Variants in PLD3 observed in about 807,000 individuals in gnomAD.
The protein encoded by PLD3 is 5'-3' exonuclease PLD3.
In PLD3, 31 loss-of-function variants were observed where a neutral mutation model predicts 58.4. That is an observed-to-expected ratio of 0.53 (90% CI 0.40 to 0.72). The LOEUF (loss-of-function observed/expected upper bound fraction) is 0.72. PLD3 is among the 30% of genes least tolerant of loss of function. PLD3 has a pLI of 0.00. For missense variants in PLD3, 595 were observed against 659.8 expected, an observed-to-expected ratio of 0.90 and a Z score of 1.08; for synonymous variants, 264 against 273.4, an observed-to-expected ratio of 0.97 and a Z score of 0.34.
intron 10 of PLD3, 80 bp downstream of exon 10, chr19:40,374,700 G>A (rs1019030209): frequency 2.0e-6 from 3 of 1,516,904 alleles, no homozygotes; most frequent in Admixed American, 1.7e-5. Flanking sequence ...CAGAAAGCTG[G>A]TGGGGGCTCC....
At chr19:40,349,929 G>A (rs986323409) in intron 1 of PLD3, among the ~76,000 whole-genome samples, 4 of 150,052 alleles carry the variant, frequency 2.7e-5, no homozygotes, top group Non-Finnish European at 5.9e-5. Context: ...TTGCACTCCA[G>A]CCTGGGCAAC....
At chr19:40,372,575 C>T (rs754767567) in intron 9 of PLD3, among the ~76,000 whole-genome samples, 7 of 151,882 alleles carry the variant, frequency 4.6e-5, no homozygotes, top group Admixed American at 1.3e-4. Context: ...GGGAGGATCA[C>T]TTGAGGCCAG....
intron 11 of PLD3, 23 bp downstream of exon 11, chr19:40,376,797 C>A (rs2079215738): frequency 4.4e-6 from 7 of 1,593,116 alleles, no homozygotes; most frequent in East Asian, 2.2e-5. Context: ...CCAAGCCACC[C>A]CTTGGCCCCT....
At position 40,369,785 on chromosome 19, in the gene PLD3, A is replaced by G. The variant is rs138227565; in HGVS notation, c.430-123A>G. Reference sequence around the variant, plus strand: ...TTTTAATCTGTAAAGTCTTTAATCTATGCAGGCTAATGTAAAGTCTGTTTA... The same window carrying G: ...TTTTAATCTGTAAAGTCTTTAATCTGTGCAGGCTAATGTAAAGTCTGTTTA... On this transcript the variant is annotated intron_variant, in intron 6 of 12. Transcript: ENST00000409735. 839 of 841,474 alleles carry G rather than the reference A, an allele frequency of 1.0e-3. 3 individuals are homozygous for G. The African/African-American group carries it at 0.012, about 12-fold the overall frequency. 52.1% of individuals were successfully genotyped at this position (841,474 alleles called of 1,614,324 possible).
chr19:40,369,825 T>C (rs1269352568), intron 6 of PLD3, 83 bp from the exon 7 acceptor site: 1 of 1,329,434 alleles, frequency 7.5e-7, no homozygotes, highest in Non-Finnish European at 1.0e-6. Flanking sequence ...TAATCATGTC[T>C]CAAAATAACT....
chr19:40,371,931 C>T (rs2079077335), intron 9 of PLD3, 58 bp downstream of exon 9: 1 of 1,366,444 alleles, frequency 7.3e-7, no homozygotes, highest in Non-Finnish European at 1.0e-6. Flanking sequence ...CACTCACAGC[C>T]TCCATCTGTC....
intron 1 of PLD3, among the ~76,000 whole-genome samples, chr19:40,351,456 A>G (rs2078513167): frequency 6.6e-6 from 1 of 151,172 alleles, no homozygotes. Context: ...GAGGCAGGAG[A>G]ATCGCTTGAA....
chr19:40,371,728 C>A lies in PLD3; in HGVS notation c.734C>A (p.Thr245Asn). ...YNCSCLARDLTKIFEAYWFLG... is the reference protein window; with the variant it reads ...YNCSCLARDLNKIFEAYWFLG... ...TGCAGCTGCCTGGCTCGAGACCTGACCAAGATCTTTGAGGCCTACTGGTTC... is the reference window on the plus strand; with the variant it reads ...TGCAGCTGCCTGGCTCGAGACCTGAACAAGATCTTTGAGGCCTACTGGTTC... Residue 245 changes from threonine (T) to asparagine (N), a missense_variant, in exon 9 of 13, where the codon ACC becomes AAC. Thr to Asn is a moderately conservative substitution (Grantham distance 65, BLOSUM62 0). Transcript: ENST00000409735. 6.2e-7 allele frequency: 1 copy of A among 1,613,954 alleles called. No individual in the cohort carries two copies. The highest frequency in any genetic ancestry group is 8.5e-7 in the Non-Finnish European group (1 of 1,179,968).
chr19:40,349,446 G>A (rs1023437356), intron 1 of PLD3, among the ~76,000 whole-genome samples: 3 of 151,958 alleles, frequency 2.0e-5, no homozygotes, highest in Admixed American at 1.3e-4. Flanking sequence ...CATAACATAC[G>A]GGGTACTGCA....
At chr19:40,369,471 C>T (rs185090857) in intron 6 of PLD3, among the ~76,000 whole-genome samples, 2 of 152,306 alleles carry the variant, frequency 1.3e-5, no homozygotes, top group East Asian at 1.9e-4. Context: ...TCAGTGAGTT[C>T]GCTGAGAAGA....
At chr19:40,370,344 C>A in intron 8 of PLD3, 107 bp downstream of exon 8, 2 of 1,266,486 alleles carry the variant, frequency 1.6e-6, no homozygotes, top group Non-Finnish European at 2.2e-6. Context: ...TCCACCCATT[C>A]TCTGTAATGG....
At chr19:40,349,756 C>G (rs1196631420) in intron 1 of PLD3, among the ~76,000 whole-genome samples, 4 of 151,124 alleles carry the variant, frequency 2.6e-5, no homozygotes, top group South Asian at 2.1e-4. Flanking sequence ...GTCGGGAGTT[C>G]GAGACCAGCC....
chr19:40,377,224 G>A (rs1271273596), intron 11 of PLD3, among the ~76,000 whole-genome samples: 1 of 130,134 alleles, frequency 7.7e-6, no homozygotes, highest in Admixed American at 7.7e-5. Flanking sequence ...GGCTGGGGTG[G>A]GGGGCACAGA....
chr19:40,351,248 C>A (rs1458218765), intron 1 of PLD3, among the ~76,000 whole-genome samples: 2 of 147,142 alleles, frequency 1.4e-5, no homozygotes, highest in Non-Finnish European at 3.0e-5. Context: ...AAAAACAAAA[C>A]AAAACAAAAA....
At chr19:40,374,644 G>A (rs1356745981) in intron 10 of PLD3, 24 bp downstream of exon 10, 7 of 1,613,612 alleles carry the variant, frequency 4.3e-6, no homozygotes, top group Middle Eastern at 1.6e-4. Context: ...TGGAGATAGG[G>A]AGCCGCTGCA....
In PLD3 at chr19:40,374,476, C is replaced by T; in HGVS notation, c.880-5C>T. On this transcript the variant is annotated splice_region_variant and splice_polypyrimidine_tract_variant and intron_variant, in intron 9 of 12. Transcript: ENST00000409735. ...CACATGTCTTAACTGTCCCCTCGCC[C>T]TCAGAGTGCGCCCCCACCCCTGTGT... is the stretch of plus-strand genomic sequence containing the variant. The T allele has an allele frequency of 1.9e-6, 3 of 1,614,034 alleles. No individual in the cohort carries two copies. The highest frequency in any genetic ancestry group is 1.7e-6 in the Non-Finnish European group (2 of 1,180,000).
At position 40,377,995 on chromosome 19, in the gene PLD3, A is replaced by G. The variant is rs752056576; in HGVS notation, c.1295A>G (p.Asn432Ser). Reference protein sequence around the residue: ...TERATYIGTSNWSGNYFTETA... With the variant: ...TERATYIGTSSWSGNYFTETA... ...ACCCATTCCTCTCTAGGAACCTCCA[A>G]CTGGTCTGGCAACTACTTCACGGAG... The change falls in exon 13 of 13, where the codon AAC becomes AGC. Residue 432 changes from asparagine to serine, a missense_variant. Coordinates refer to ENST00000409735, the MANE Select transcript of PLD3 (RefSeq NM_012268.4). The G allele has an allele frequency of 2.7e-5, 44 of 1,612,504 alleles. No individual in the cohort carries two copies. Among genetic ancestry groups the G allele is most frequent in the South Asian group, 1.2e-4 (11 of 90,962 alleles).
chr19:40,370,124 ATGGTGGACATGCAGAAGC>A lies in PLD3; in HGVS notation c.568_585del (p.Val190_Leu195del). On this transcript the variant is annotated inframe_deletion, in exon 8 of 13. Coordinates refer to ENST00000409735, the MANE Select transcript of PLD3 (RefSeq NM_012268.4). ...GCTGGTCACAGGTGCCCAGGTCCGC[ATGGTGGACATGCAGAAGC>A]TGACCCATGGCGTCCTGCATACCAA... 1 of 1,612,538 alleles carries A rather than the reference ATGGTGGACATGCAGAAGC, an allele frequency of 6.2e-7. No individual in the cohort carries two copies. The highest frequency in any genetic ancestry group is 8.5e-7 in the Non-Finnish European group (1 of 1,179,364).
At chr19:40,352,771 T>C (rs2078551491) in intron 1 of PLD3, among the ~76,000 whole-genome samples, 1 of 152,154 alleles carries the variant, frequency 6.6e-6, no homozygotes, top group African/African-American at 2.4e-5. Flanking sequence ...AATAGCAGCC[T>C]GGGCAATGTG....
Sources: gnomAD v4.1 joint callset for allele counts (sites outside exome capture counted in the v4.1 genomes callset) on GRCh38, gnomAD v4.1.1 for gene constraint, MANE v1.5 for transcripts, NCBI Gene and HGNC (gene_info 2026-07-23, HGNC 2026-07-21) for gene names.